The following PLA2G4C variants were observed in gnomAD, a reference collection of about 807,000 sequenced individuals.
The protein encoded by PLA2G4C is phospholipase A2 group IVC, also known as cytosolic phospholipase A2 gamma.
Under a neutral mutation model 73.8 loss-of-function variants are expected in PLA2G4C, and 64 were observed. The observed-to-expected ratio is 0.87, with a 90% CI of 0.71 to 1.07. The LOEUF (loss-of-function observed/expected upper bound fraction) is 1.07, where lower values mean the gene tolerates loss of function less well. Among genes scored for constraint, PLA2G4C ranks in the 50% least tolerant of loss-of-function variants. PLA2G4C has a pLI of 0.00. For missense variants in PLA2G4C, 622 were observed against 665.4 expected (o/e 0.93, Z 0.72); for synonymous variants, 254 against 252.1 (o/e 1.01, Z -0.07).
At chr19:48,088,736 G>C (rs746269419) in intron 8 of PLA2G4C, 24 bp from the exon 9 acceptor site, 2 of 1,575,818 alleles carry the variant, frequency 1.3e-6, no homozygotes, top group Admixed American at 3.3e-5. Flanking sequence ...GAAGCAGGAG[G>C]AATGTTTATC....
chr19:48,101,122 ATATATTTTT>A (rs1424023819), intron 4 of PLA2G4C, among the ~76,000 whole-genome samples: 3 of 66,550 alleles, frequency 4.5e-5, no homozygotes, highest in East Asian at 3.6e-4. Context: ...ATATATATAT[ATATATTTTT>A]TTTTTTTTTT....
intron 12 of PLA2G4C, among the ~76,000 whole-genome samples, chr19:48,069,388 C>G (rs1445281746): frequency 6.6e-6 from 1 of 152,138 alleles, no homozygotes. Flanking sequence ...CACACTTTCC[C>G]GTGCTCCCTT....
intron 12 of PLA2G4C, chr19:48,074,420 T>C (rs2029994437): frequency 3.7e-6 from 1 of 268,714 alleles, no homozygotes; most frequent in South Asian, 4.0e-5. Flanking sequence ...GTCTTTGATA[T>C]TGTGAATAGT....
At chr19:48,086,234 T>A (rs941213123) in intron 9 of PLA2G4C, among the ~76,000 whole-genome samples, 2 of 152,192 alleles carry the variant, frequency 1.3e-5, no homozygotes, top group African/African-American at 4.8e-5. Flanking sequence ...TTGCAAGTTC[T>A]GAGCACAGGC....
chr19:48,097,454 G>A lies in PLA2G4C; in HGVS notation c.568+685C>T, dbSNP rs2031654892. 6.0e-5 allele frequency among the ~76,000 whole-genome samples: 9 copies of A among 151,208 alleles called. No homozygotes were observed. In the South Asian group the frequency reaches 1.7e-3, roughly 28 times the overall value. On this transcript the variant is annotated intron_variant, in intron 6 of 16. Coordinates refer to ENST00000599921, the MANE Select transcript of PLA2G4C (RefSeq NM_003706.3). ...TTTTTAGTAGAGACGGGGTTTCACT[G>A]TGTTAGTCAGGATGGTCTTGATCTC...
chr19:48,079,964 A>T (rs1046737106), intron 10 of PLA2G4C, among the ~76,000 whole-genome samples: 3 of 152,244 alleles, frequency 2.0e-5, no homozygotes, highest in African/African-American at 7.2e-5. Flanking sequence ...CCGTCTCAAA[A>T]ATAAACAAAT....
At chr19:48,073,070 G>C (rs1486980793) in intron 12 of PLA2G4C, 2 of 152,214 alleles carry the variant, frequency 1.3e-5, no homozygotes, top group African/African-American at 2.4e-5. Flanking sequence ...TTTCGAGACA[G>C]GGTCTTGCTC....
rs574962036 is a variant in PLA2G4C, at chr19:48,100,034, C to T, written c.258-174G>A. ...AATACAACTGCAGAACGATCAAGTT[C>T]GAAGGAGGACTCAAAATCATCTGGG... On this transcript the variant is annotated intron_variant, in intron 4 of 16. Coordinates refer to ENST00000599921, the MANE Select transcript of PLA2G4C (RefSeq NM_003706.3). The T allele has an allele frequency of 1.8e-5, 9 of 494,144 alleles. No homozygotes were observed. The South Asian group carries it at 2.3e-4, about 13-fold the overall frequency. 30.6% of individuals were successfully genotyped at this position (494,144 alleles called of 1,614,324 possible).
chr19:48,105,082 C>CAAAA (rs3083068), intron 3 of PLA2G4C, among the ~76,000 whole-genome samples: 123 of 86,466 alleles, frequency 1.4e-3, no homozygotes, highest in East Asian at 3.2e-3. Flanking sequence ...GACGTTGTCT[C>CAAAA]AAAAAAAAAA....
chr19:48,098,267 A>G lies in PLA2G4C; in HGVS notation c.448-8T>C, dbSNP rs2031708326. 6.2e-7 allele frequency: 1 copy of G among 1,610,842 alleles called. No individual in the cohort carries two copies. Among genetic ancestry groups the G allele is most frequent in the African/African-American group, 1.3e-5 (1 of 74,852 alleles). The stretch of plus-strand genomic sequence containing the variant: ...CAAATGAGACTCCGGCAGCTTTGGG[A>G]GAAGGTGCCAAGACAGTGTGAGGGA... On this transcript the variant is annotated splice_region_variant and splice_polypyrimidine_tract_variant and intron_variant, in intron 5 of 16. Transcript: ENST00000599921.
intron 16 of PLA2G4C, among the ~76,000 whole-genome samples, chr19:48,049,846 T>G (rs144081631): frequency 2.9e-3 from 442 of 152,292 alleles, no homozygotes; most frequent in Middle Eastern, 0.01. Flanking sequence ...AAACCACCCC[T>G]GTTCACACCT....
At chr19:48,095,948 G>A (rs1261205952) in intron 6 of PLA2G4C, among the ~76,000 whole-genome samples, 1 of 152,162 alleles carries the variant, frequency 6.6e-6, no homozygotes, top group Non-Finnish European at 1.5e-5. Flanking sequence ...TTGTCTGTGG[G>A]CATAAATCTA....
intron 14 of PLA2G4C, among the ~76,000 whole-genome samples, chr19:48,057,521 G>T (rs1175991873): frequency 5.8e-5 from 2 of 34,408 alleles, no homozygotes; most frequent in Non-Finnish European, 1.3e-4. Context: ...ACAGAGTCTC[G>T]CTCTGTTGCC....
chr19:48,074,680 T>C (rs1464430219), intron 12 of PLA2G4C, 87 bp downstream of exon 12: 14 of 855,818 alleles, frequency 1.6e-5, no homozygotes, highest in Non-Finnish European at 2.9e-5. Flanking sequence ...CCTGCAGGAC[T>C]GGCCCACAGG....
At position 48,110,531 on chromosome 19, in the gene PLA2G4C, T is replaced by TGCTCCGGATTCCGGTGCGGAGGCTTGG; in HGVS notation, c.-78_-77insCCAAGCCTCCGCACCGGAATCCGGAGC. ...GTGTGCGCATGCGCGGTGGAGCTTG[T>TGCTCCGGATTCCGGTGCGGAGGCTTGG]GCTCCGGAATCCGGTGCGGAGGCTT... is the stretch of plus-strand genomic sequence containing the variant. On this transcript the variant is annotated 5_prime_UTR_variant, in exon 1 of 17. Coordinates refer to ENST00000599921, the MANE Select transcript of PLA2G4C (RefSeq NM_003706.3). 1 of 1,386,158 alleles carries TGCTCCGGATTCCGGTGCGGAGGCTTGG rather than the reference T, an allele frequency of 7.2e-7. No homozygotes were observed. The highest frequency in any genetic ancestry group is 1.4e-5 in the South Asian group (1 of 72,618). The allele number at this position is 1,386,158 out of a possible 1,614,324, so 85.9% of individuals were successfully genotyped here. A position where few individuals can be genotyped will look rare whatever the true frequency, so the allele number is the denominator to read the frequency against.
At chr19:48,080,407 G>T (rs2030468750) in intron 10 of PLA2G4C, among the ~76,000 whole-genome samples, 1 of 152,102 alleles carries the variant, frequency 6.6e-6, no homozygotes, top group Non-Finnish European at 1.5e-5. Context: ...CAACCTCTAT[G>T]GAAAACAGTA....
At chr19:48,053,357 CT>C (rs1555740820) in intron 15 of PLA2G4C, among the ~76,000 whole-genome samples, 2,235 of 132,514 alleles carry the variant, frequency 0.017, 71 homozygotes, top group African/African-American at 0.061. Context: ...CCTTCCGGTC[CT>C]TTTTTCTTTT....
intron 4 of PLA2G4C, 130 bp from the exon 5 acceptor site, chr19:48,099,990 G>A (rs932101684): frequency 2.6e-5 from 15 of 568,322 alleles, no homozygotes; most frequent in Admixed American, 1.3e-4. Context: ...CAGAGGAAAC[G>A]GAAAATTTCC....
chr19:48,058,673 C>T (rs1333690561), intron 14 of PLA2G4C, among the ~76,000 whole-genome samples: 1 of 151,772 alleles, frequency 6.6e-6, no homozygotes, highest in Non-Finnish European at 1.5e-5. Flanking sequence ...CAGAAATTAG[C>T]CGGGCATGGT....
Sources: allele counts gnomAD v4.1 joint callset (sites outside exome capture counted in the v4.1 genomes callset), GRCh38; gene constraint gnomAD v4.1.1; transcripts MANE v1.5; gene names NCBI Gene and HGNC (gene_info 2026-07-23, HGNC 2026-07-21).